ZNF462: variants seen among roughly 807,000 people sequenced by gnomAD.
ZNF462 encodes the protein zinc finger PBX1-interacting protein.
A neutral mutation model predicts 201.9 loss-of-function variants in ZNF462; 10 were observed. The ratio of observed to expected loss-of-function variants is 0.05; its 90% CI spans 0.03 to 0.08. The LOEUF is 0.08. ZNF462 is among the 10% of genes least tolerant of loss of function. The pLI is 1.00. For synonymous variants in ZNF462, 1,227 were observed against 1,193.3 expected (o/e 1.03, Z -0.58); for missense variants, 2,523 against 3,168.3 (o/e 0.80, Z 4.89).
rs755872946 is a variant in ZNF462 at position 107,005,504 on chromosome 9, GTCT to G, written c.7189+2083_7189+2085del. Among the ~76,000 whole-genome samples the G allele has an allele frequency of 1.3e-5, 2 of 152,150 alleles. No individual in the cohort carries two copies. Among genetic ancestry groups the G allele is most frequent in the Non-Finnish European group, 2.9e-5 (2 of 68,016 alleles). On this transcript the variant is annotated intron_variant, in intron 11 of 12. Coordinates refer to ENST00000277225, the MANE Select transcript of ZNF462 (RefSeq NM_021224.6). The surrounding 1 kb of genome is among the most constrained non-coding windows in gnomAD (Gnocchi z 4.4). ...TCATATGCCTGCTGGCCATTTGTAT[GTCT>G]TCTTTTGAGAAATGTCTACTCAGAT...
intron 7 of ZNF462, among the ~76,000 whole-genome samples, chr9:106,939,653 A>G (rs1393847808): frequency 6.6e-6 from 1 of 151,996 alleles, no homozygotes; most frequent in East Asian, 1.9e-4. Flanking sequence ...TTGGGAGGAG[A>G]GTTTTACTGT....
At chr9:106,910,149 ATAT>A (rs1478920110) in intron 1 of ZNF462, among the ~76,000 whole-genome samples, 5 of 151,842 alleles carry the variant, frequency 3.3e-5, no homozygotes, top group Admixed American at 2.6e-4. Context: ...TTCTGCAATG[ATAT>A]TATTTTTGTC....
chr9:106,967,178 G>A (rs1002462749), intron 7 of ZNF462, among the ~76,000 whole-genome samples: 1 of 151,994 alleles, frequency 6.6e-6, no homozygotes, highest in Non-Finnish European at 1.5e-5. Context: ...GACATGGAGA[G>A]GCCTGTATTT....
rs574056465 is a variant in ZNF462, at chr9:106,992,755, G to C, written c.7056+8346G>C. On this transcript the variant is annotated intron_variant, in intron 10 of 12. Coordinates refer to ENST00000277225, the MANE Select transcript of ZNF462 (RefSeq NM_021224.6). ...AGGGATTGATTACAAAGGATATGAAGGAGCTTCTCAGAGTGATGAGAGTGT... is the reference window on the plus strand; with the variant it reads ...AGGGATTGATTACAAAGGATATGAACGAGCTTCTCAGAGTGATGAGAGTGT... 3.3e-5 allele frequency among the ~76,000 whole-genome samples: 5 copies of C among 152,146 alleles called. No homozygotes were observed. In the East Asian group the frequency reaches 9.7e-4, roughly 29 times the overall value.
intron 1 of ZNF462, among the ~76,000 whole-genome samples, chr9:106,900,945 T>G (rs776712459): frequency 5.3e-5 from 8 of 152,162 alleles, no homozygotes; most frequent in Non-Finnish European, 1.2e-4. Context: ...GGCTTCTTGG[T>G]CATGAAATCT....
chr9:106,940,758 T>G (rs768908247), intron 7 of ZNF462, among the ~76,000 whole-genome samples: 58 of 152,052 alleles, frequency 3.8e-4, no homozygotes, highest in Non-Finnish European at 7.1e-4. Flanking sequence ...TAGTGTTTTT[T>G]TTTTCTCTTC....
Position 106,968,566 on chromosome 9 carries a change from G to C in ZNF462, c.6428-3439G>C, listed in dbSNP as rs570047173. ...TGGTTGGTTGGTTGGTTGGTTGGTTGGGAATGTATGGTGATGCTAAGCCAT... is the reference window on the plus strand; with the variant it reads ...TGGTTGGTTGGTTGGTTGGTTGGTTCGGAATGTATGGTGATGCTAAGCCAT... On this transcript the variant is annotated intron_variant, in intron 7 of 12. Coordinates refer to ENST00000277225, the MANE Select transcript of ZNF462 (RefSeq NM_021224.6). The surrounding 1 kb of genome is among the most constrained non-coding windows in gnomAD (Gnocchi z 4.0). 5.3e-5 allele frequency among the ~76,000 whole-genome samples: 8 copies of C among 152,146 alleles called. No individual in the cohort carries two copies. The highest frequency in any genetic ancestry group is 1.7e-4 in the African/African-American group (7 of 41,520).
At position 106,881,321 on chromosome 9, in the gene ZNF462, A is replaced by G. The variant is rs1204330383; in HGVS notation, c.-31+17966A>G. On this transcript the variant is annotated intron_variant, in intron 1 of 12. Transcript: ENST00000277225. ...CGAAGGGGGACCCTTTTCTGTCAGT[A>G]TTGGTAGGCCTGTGAGGACCTTGGT... 2.6e-5 allele frequency among the ~76,000 whole-genome samples: 4 copies of G among 152,100 alleles called. No individual in the cohort carries two copies. In the East Asian group the frequency reaches 7.7e-4, roughly 29 times the overall value.
chr9:106,964,643 G>C (rs754201471), intron 7 of ZNF462, among the ~76,000 whole-genome samples: 1 of 152,038 alleles, frequency 6.6e-6, no homozygotes, highest in East Asian at 1.9e-4. Context: ...ATCTTTTATA[G>C]TTGGTCTTGC....
intron 7 of ZNF462, among the ~76,000 whole-genome samples, chr9:106,967,191 A>G (rs1033482226): frequency 6.6e-6 from 1 of 152,190 alleles, no homozygotes; most frequent in South Asian, 2.1e-4. Flanking sequence ...CTGTATTTTC[A>G]TAAGTCAACT....
chr9:106,963,859 G>T lies in ZNF462; in HGVS notation c.6428-8146G>T, dbSNP rs1321627888. On this transcript the variant is annotated intron_variant, in intron 7 of 12. Coordinates refer to ENST00000277225, the MANE Select transcript of ZNF462 (RefSeq NM_021224.6). This position sits in a 1 kb window ranked among gnomAD's most constrained non-coding sequence, Gnocchi z 4.7. Reference sequence around the variant, plus strand: ...AACTCTCCACTTCCTTCTACCCACAGCCCCTGGCAACCACCATTCTACTGT... The same window carrying T: ...AACTCTCCACTTCCTTCTACCCACATCCCCTGGCAACCACCATTCTACTGT... Among the ~76,000 whole-genome samples the T allele has an allele frequency of 3.3e-5, 5 of 151,952 alleles. No homozygotes were observed. In the South Asian group the frequency reaches 1.0e-3, roughly 31 times the overall value.
Position 107,012,888 on chromosome 9 carries a change from T to TG in ZNF462, c.*1859dup, listed in dbSNP as rs1420648233. 6.6e-6 allele frequency: 1 copy of TG among 152,124 alleles called. No homozygotes were observed. The highest frequency in any genetic ancestry group is 6.6e-5 in the Admixed American group (1 of 15,258). The allele number at this position is 152,124 out of a possible 1,614,324, so 9.4% of individuals were successfully genotyped here. ...GCATGTTCTTCTTTTATTTTCTTAC[T>TG]GTTAAGAATTTTTATTTGTAGGATG... On this transcript the variant is annotated 3_prime_UTR_variant, in exon 13 of 13. Coordinates refer to ENST00000277225, the MANE Select transcript of ZNF462 (RefSeq NM_021224.6).
chr9:106,987,032 GA>G (rs1564154264), intron 10 of ZNF462, among the ~76,000 whole-genome samples: 22 of 136,938 alleles, frequency 1.6e-4, no homozygotes, highest in African/African-American at 5.3e-4. Flanking sequence ...TAGATAGATA[GA>G]TAGATATCAC....
intron 7 of ZNF462, among the ~76,000 whole-genome samples, chr9:106,940,222 C>G (rs187546665): frequency 2.0e-5 from 3 of 152,270 alleles, no homozygotes; most frequent in Admixed American, 2.0e-4. Context: ...AAAAGATACG[C>G]ACCTGTAAAA....
chr9:106,885,502 T>C lies in ZNF462; in HGVS notation c.-31+22147T>C, dbSNP rs1234749428. On this transcript the variant is annotated intron_variant, in intron 1 of 12. Transcript: ENST00000277225. This position sits in a 1 kb window ranked among gnomAD's most constrained non-coding sequence, Gnocchi z 4.1. ...AAGGTTCAAGAAAGGGAGTATAGTC[T>C]CTTTAAAGTTATTTTGAGGAGTTGG... Among the ~76,000 whole-genome samples, 1 of 152,220 alleles carries C rather than the reference T, an allele frequency of 6.6e-6. No individual in the cohort carries two copies. The highest frequency in any genetic ancestry group is 2.4e-5 in the African/African-American group (1 of 41,466).
chr9:106,898,803 G>T (rs893911793), intron 1 of ZNF462, among the ~76,000 whole-genome samples: 1 of 152,104 alleles, frequency 6.6e-6, no homozygotes, highest in Non-Finnish European at 1.5e-5. Context: ...TCCTATTATT[G>T]CTCCTAAGAA....
In ZNF462 at chr9:106,930,666, C is replaced by G; in HGVS notation, c.5989C>G (p.Pro1997Ala). The change falls in exon 4 of 13, where the codon CCA (proline) becomes GCA (alanine). Residue 1997 changes from proline (P) to alanine (A), a missense_variant. Physicochemically the swap from Pro to Ala is conservative, Grantham distance 27. Around this residue, in one of 15 missense-constraint regions of ZNF462, gnomAD observed 107 missense variants for 187.7 expected, o/e 0.57. Coordinates refer to ENST00000277225, the MANE Select transcript of ZNF462 (RefSeq NM_021224.6). The surrounding 1 kb of genome is among the most constrained non-coding windows in gnomAD (Gnocchi z 5.8). ...LRKHVQYGNV[P>A]AVSAAVKGLR... ...AAAGCACGTCCAGTATGGCAATGTC[C>G]CAGCTGTGTCAGCTGCTGTGAAGGT... 6.2e-7 allele frequency: 1 copy of G among 1,614,086 alleles called. No homozygotes were observed. Among genetic ancestry groups the G allele is most frequent in the East Asian group, 2.2e-5 (1 of 44,864 alleles).
chr9:107,000,613 T>G (rs943962189), intron 10 of ZNF462, among the ~76,000 whole-genome samples: 1 of 152,220 alleles, frequency 6.6e-6, no homozygotes, highest in Admixed American at 6.5e-5. Flanking sequence ...TTCTCATTTT[T>G]AAATCTTTTA....
chr9:106,861,361 C>T (rs1827061661), upstream of ZNF462, among the ~76,000 whole-genome samples: 1 of 152,136 alleles, frequency 6.6e-6, no homozygotes, highest in African/African-American at 2.4e-5. Context: ...TATATATCTT[C>T]TCGGACTGTT....
Sources: allele counts gnomAD v4.1 joint callset (sites outside exome capture counted in the v4.1 genomes callset), GRCh38; gene constraint gnomAD v4.1.1; regional missense constraint gnomAD v4.1.1; non-coding constraint Gnocchi (gnomAD v3.1); transcripts MANE v1.5; gene names NCBI Gene and HGNC (gene_info 2026-07-23, HGNC 2026-07-21).